VPS35L: variants seen among roughly 807,000 people sequenced by gnomAD.
The protein encoded by VPS35L is VPS35 endosomal protein sorting factor like.
A neutral mutation model predicts 133.0 loss-of-function variants in VPS35L; 83 were observed. The ratio of observed to expected loss-of-function variants is 0.62; its 90% confidence interval spans 0.52 to 0.75. VPS35L has a LOEUF of 0.75. VPS35L is among the 30% of genes least tolerant of loss of function. The pLI, the probability that VPS35L is intolerant of heterozygous loss-of-function variation, is 0.00. For synonymous variants in VPS35L, 423 were observed against 449.9 expected (o/e 0.94, Z 0.76); for missense variants, 1,083 against 1,206.8 (o/e 0.90, Z 1.52).
chr16:19,562,111 C>G (rs1971048366), intron 1 of VPS35L, among the ~76,000 whole-genome samples: 1 of 151,936 alleles, frequency 6.6e-6, no homozygotes, highest in Non-Finnish European at 1.5e-5. Flanking sequence ...CAAAACAAAA[C>G]AAAAATATTA....
chr16:19,559,557 A>G lies in VPS35L; in HGVS notation c.17+3811A>G, dbSNP rs183894244. 3.3e-5 allele frequency among the ~76,000 whole-genome samples: 5 copies of G among 152,368 alleles called. No homozygotes were observed. In the East Asian group the frequency reaches 7.7e-4, roughly 23 times the overall value. On this transcript the variant is annotated intron_variant, in intron 1 of 30. Coordinates refer to ENST00000417362, the MANE Select transcript of VPS35L (RefSeq NM_020314.7). ...TCGCTGTTAGCCTTACCAAAGACCC[A>G]GAGATTAAAGAAAATGCTTTAACAT... is the stretch of plus-strand genomic sequence containing the variant.
At chr16:19,648,498 T>C (rs1408769344) in intron 24 of VPS35L, among the ~76,000 whole-genome samples, 1 of 152,178 alleles carries the variant, frequency 6.6e-6, no homozygotes, top group African/African-American at 2.4e-5. Context: ...CCTACTTTCT[T>C]GGATCATGGC....
chr16:19,616,182 G>A lies in VPS35L; in HGVS notation c.1092G>A (p.Thr364=), dbSNP rs778042121. The change falls in exon 13 of 31, where the codon ACG becomes ACA. Residue 364 remains threonine, a synonymous_variant. Transcript: ENST00000417362. Reference sequence around the variant, plus strand: ...AGAACTTTTTTGACTTCCTCCTTACGTTCAAACAGGTAAGAGAACACTATC... The same window carrying A: ...AGAACTTTTTTGACTTCCTCCTTACATTCAAACAGGTAAGAGAACACTATC... ...LNKNFFDFLL[T]FKQIHGDTVQ... The A allele has an allele frequency of 7.5e-6, 12 of 1,607,970 alleles. No homozygotes were observed. The highest frequency in any genetic ancestry group is 1.1e-5 in the South Asian group (1 of 90,744).
intron 5 of VPS35L, chr16:19,578,761 C>G (rs1171688570): frequency 7.3e-6 from 3 of 413,058 alleles, no homozygotes; most frequent in Non-Finnish European, 1.3e-5. Context: ...GACTGCCTTT[C>G]TTTAGGAATA....
chr16:19,676,856 G>A (rs925971114), intron 27 of VPS35L, among the ~76,000 whole-genome samples: 4 of 151,986 alleles, frequency 2.6e-5, no homozygotes, highest in African/African-American at 4.8e-5. Context: ...TGCACAAAGC[G>A]CCATAAAGAA....
chr16:19,653,343 T>C (rs1974194057), intron 26 of VPS35L, among the ~76,000 whole-genome samples: 1 of 152,216 alleles, frequency 6.6e-6, no homozygotes, highest in Non-Finnish European at 1.5e-5. Context: ...AAAAGAAATC[T>C]TTACGCGACA....
intron 28 of VPS35L, among the ~76,000 whole-genome samples, chr16:19,683,567 C>T (rs1975360335): frequency 6.6e-6 from 1 of 152,188 alleles, no homozygotes; most frequent in Non-Finnish European, 1.5e-5. Context: ...TTTTCTGTTT[C>T]TGCACTAGTT....
At chr16:19,667,734 GA>G (rs561897457) in intron 26 of VPS35L, among the ~76,000 whole-genome samples, 3,160 of 113,664 alleles carry the variant, frequency 0.028, 30 homozygotes, top group African/African-American at 0.039. Context: ...ACCCTGTCTG[GA>G]AAAAAAAAAA....
intron 26 of VPS35L, among the ~76,000 whole-genome samples, chr16:19,665,992 AT>A (rs1191428865): frequency 6.6e-6 from 1 of 151,658 alleles, no homozygotes; most frequent in Non-Finnish European, 1.5e-5. Context: ...AGAAACATCT[AT>A]TGAAATCTTT....
At chr16:19,619,561 C>CT (rs559541952) in intron 14 of VPS35L, among the ~76,000 whole-genome samples, 5 of 151,020 alleles carry the variant, frequency 3.3e-5, no homozygotes, top group South Asian at 2.1e-4. Context: ...AATGAGAACG[C>CT]TTTTTTTTTC....
Position 19,682,357 on chromosome 16 carries a change from A to G in VPS35L, c.2494A>G (p.Ser832Gly). ...CGTCCTGCATCTCCTCTCCGCCATGAGCCAGGAGACGTACCTTTACCACAT... is the reference window on the plus strand; with the variant it reads ...CGTCCTGCATCTCCTCTCCGCCATGGGCCAGGAGACGTACCTTTACCACAT... ...TCVLHLLSAM[S>G]QETYLYHIDK... Residue 832 changes from serine (S) to glycine (G), a missense_variant, in exon 28 of 31, where the codon AGC becomes GGC. By Grantham distance (56) the Ser-to-Gly change is moderately conservative. Transcript: ENST00000417362. The G allele has an allele frequency of 6.2e-7, 1 of 1,614,238 alleles. No homozygotes were observed. Among genetic ancestry groups the G allele is most frequent in the Non-Finnish European group, 8.5e-7 (1 of 1,180,042 alleles).
At chr16:19,685,503 T>C (rs1354059018) in intron 28 of VPS35L, among the ~76,000 whole-genome samples, 2 of 152,200 alleles carry the variant, frequency 1.3e-5, no homozygotes, top group Non-Finnish European at 2.9e-5. Context: ...TGAACATTCT[T>C]GCATGTATTT....
chr16:19,611,471 A>G (rs912234624), intron 12 of VPS35L, among the ~76,000 whole-genome samples: 1 of 152,184 alleles, frequency 6.6e-6, no homozygotes, highest in Non-Finnish European at 1.5e-5. Context: ...AGCTGCAGTT[A>G]GAGCCTCCCC....
At chr16:19,604,986 T>C (rs909374889) in intron 9 of VPS35L, among the ~76,000 whole-genome samples, 3 of 152,210 alleles carry the variant, frequency 2.0e-5, no homozygotes, top group Admixed American at 6.5e-5. Context: ...TTGGGTTTAT[T>C]GTATTATGGT....
At chr16:19,671,229 G>T (rs1281973671) in intron 27 of VPS35L, among the ~76,000 whole-genome samples, 1 of 152,190 alleles carries the variant, frequency 6.6e-6, no homozygotes. Context: ...AGCACTTTGG[G>T]AGGCGGAGGT....
At chr16:19,615,892 G>A (rs1340079622) in intron 12 of VPS35L, among the ~76,000 whole-genome samples, 2 of 151,618 alleles carry the variant, frequency 1.3e-5, no homozygotes, top group Non-Finnish European at 2.9e-5. Context: ...CCTTGAACCA[G>A]GGAGTCGGTG....
rs200594556 is a variant in VPS35L at position 19,639,980 on chromosome 16, G to A, written c.1699-35G>A. On this transcript the variant is annotated intron_variant, in intron 20 of 30. Transcript: ENST00000417362. This position sits in a 1 kb window ranked among gnomAD's most constrained non-coding sequence, Gnocchi z 4.1. ...AGATTCCTTCCTTCCAATAACTTGT[G>A]TCATTTGCATATAGAGTGCTTGCTT... The A allele has an allele frequency of 2.6e-5, 40 of 1,552,496 alleles. No individual in the cohort carries two copies. The highest frequency in any genetic ancestry group is 1.6e-4 in the African/African-American group (12 of 73,474).
intron 27 of VPS35L, among the ~76,000 whole-genome samples, chr16:19,677,745 C>T (rs1443351633): frequency 6.6e-6 from 1 of 152,186 alleles, no homozygotes; most frequent in East Asian, 1.9e-4. Flanking sequence ...ATCTGTCTCC[C>T]TTCGTCCTCC....
At chr16:19,558,799 T>C (rs1254255981) in intron 1 of VPS35L, among the ~76,000 whole-genome samples, 1 of 151,806 alleles carries the variant, frequency 6.6e-6, no homozygotes, top group Non-Finnish European at 1.5e-5. Context: ...GACGGGTGCC[T>C]GCAGTCCCAG....
Sources: gnomAD v4.1 joint callset for allele counts (sites outside exome capture counted in the v4.1 genomes callset) on GRCh38, gnomAD v4.1.1 for gene constraint, Gnocchi (gnomAD v3.1) non-coding constraint, MANE v1.5 for transcripts, NCBI Gene and HGNC (gene_info 2026-07-23, HGNC 2026-07-21) for gene names.